TFB1M: variants seen among roughly 807,000 people sequenced by gnomAD.
TFB1M encodes the protein transcription factor B1, mitochondrial.
Under a neutral mutation model 31.1 loss-of-function variants are expected in TFB1M, and 27 were observed. That is an observed-to-expected ratio of 0.87 (90% CI 0.64 to 1.20). TFB1M has a LOEUF of 1.20. Ranked by LOEUF, TFB1M falls within the 50% of genes most tolerant of loss-of-function variation. The probability of loss-of-function intolerance (pLI) is 0.00; values close to 1 mark genes in which losing one functional copy is unlikely to be tolerated. For synonymous variants in TFB1M, 166 were observed against 151.8 expected (o/e 1.09, Z -0.69); for missense variants, 394 against 418.7 (o/e 0.94, Z 0.51).
chr6:155,233,630 T>C, the TFB1M span, among the ~76,000 whole-genome samples: 2 of 152,060 alleles, frequency 1.3e-5, no homozygotes, highest in South Asian at 4.1e-4. Context: ...ATAAATAAGA[T>C]AAAATCATTT....
chr6:155,275,692 C>T, intron 5 of TFB1M: 3 of 1,580,742 alleles, frequency 1.9e-6, no homozygotes, highest in Non-Finnish European at 2.6e-6. Flanking sequence ...TCAGGATTTT[C>T]TAAGAGGACA....
intron 2 of TFB1M, among the ~76,000 whole-genome samples, chr6:155,309,372 A>G (rs749314230): frequency 1.3e-5 from 2 of 152,230 alleles, no homozygotes; most frequent in African/African-American, 2.4e-5. Flanking sequence ...TACATTCCAG[A>G]CAGGTGAGTC....
intron 2 of TFB1M, among the ~76,000 whole-genome samples, chr6:155,305,103 ATATAT>A (rs1488115417): frequency 8.0e-6 from 1 of 125,782 alleles, no homozygotes; most frequent in African/African-American, 3.1e-5. Flanking sequence ...TATATTATTT[ATATAT>A]TATATATTTA....
intron 2 of TFB1M, among the ~76,000 whole-genome samples, chr6:155,309,063 T>A (rs1582886522): frequency 6.6e-6 from 1 of 152,346 alleles, no homozygotes; most frequent in East Asian, 1.9e-4. Context: ...CAAATATACA[T>A]TTCCTCTAGA....
chr6:155,234,559 T>C, the TFB1M span, among the ~76,000 whole-genome samples: 1 of 152,212 alleles, frequency 6.6e-6, no homozygotes, highest in African/African-American at 2.4e-5. Flanking sequence ...TGTGCCACCA[T>C]GGCCGGCTAA....
chr6:155,244,148 T>G, the TFB1M span: 1 of 1,394,478 alleles, frequency 7.2e-7, no homozygotes, highest in Middle Eastern at 1.8e-4. Context: ...TTAGCAGAAC[T>G]CCTATGAGAG....
At chr6:155,287,625 AAAT>A (rs1468346156) in intron 4 of TFB1M, among the ~76,000 whole-genome samples, 73 of 151,884 alleles carry the variant, frequency 4.8e-4, no homozygotes, top group African/African-American at 1.7e-3. Context: ...ATATGTATGG[AAAT>A]AATGATGACG....
the TFB1M span, among the ~76,000 whole-genome samples, chr6:155,233,437 G>A: frequency 6.6e-5 from 10 of 152,258 alleles, no homozygotes; most frequent in South Asian, 2.1e-4. Flanking sequence ...TTCAAAGACC[G>A]TCAAAGAGGG....
At position 155,314,479 on chromosome 6, in the gene TFB1M, C is replaced by G. The variant is rs1457490654; in HGVS notation, c.-51G>C. 5.0e-6 allele frequency: 8 copies of G among 1,613,008 alleles called. No individual in the cohort carries two copies. The Admixed American group carries it at 5.0e-5, about 10-fold the overall frequency. On this transcript the variant is annotated 5_prime_UTR_variant, in exon 1 of 7. Transcript: ENST00000367166. ...CTACCTCACCCAGGACCTTCACCGC[C>G]GCTCCGAAAGAAACGCGCAGGGGAG...
At chr6:155,285,985 C>T (rs527448836) in intron 4 of TFB1M, among the ~76,000 whole-genome samples, 43 of 152,160 alleles carry the variant, frequency 2.8e-4, no homozygotes, top group African/African-American at 9.2e-4. Context: ...ATGGCCAGGA[C>T]GCTCCTGAAG....
In TFB1M at chr6:155,273,974, G is replaced by T. The variant is rs537780446; in HGVS notation, c.666+11184C>A. Among the ~76,000 whole-genome samples, 3 of 152,272 alleles carry T rather than the reference G, an allele frequency of 2.0e-5. No homozygotes were observed. In the South Asian group the frequency reaches 6.2e-4, roughly 32 times the overall value. ...CATAAGAAATAAAAATACTAATAAT[G>T]ATGTCAATTTTAAATTACTGAGGAC... On this transcript the variant is annotated intron_variant, in intron 5 of 6. Coordinates refer to ENST00000367166, the MANE Select transcript of TFB1M (RefSeq NM_016020.4).
At position 155,256,978 on chromosome 6, in the gene TFB1M, C is replaced by T. The variant is rs1305455470; in HGVS notation, c.*858G>A. On this transcript the variant is annotated 3_prime_UTR_variant, in exon 7 of 7. Coordinates refer to ENST00000367166, the MANE Select transcript of TFB1M (RefSeq NM_016020.4). ...AGGAACTTTGCTCAAGGCGCAGATC[C>T]GTCACCAGTCCCTTGACAGTCAGTC... 7 of 1,614,036 alleles carry T rather than the reference C, an allele frequency of 4.3e-6. No homozygotes were observed. The highest frequency in any genetic ancestry group is 2.2e-5 in the East Asian group (1 of 44,894).
chr6:155,248,996 T>C, the TFB1M span, among the ~76,000 whole-genome samples: 4 of 152,352 alleles, frequency 2.6e-5, no homozygotes, highest in Non-Finnish European at 5.9e-5. Context: ...AGCATTTTTG[T>C]ATGACAGTTA....
rs747893250 is a variant in TFB1M, at chr6:155,256,812, G to A, written c.*1024C>T. 11 of 1,614,074 alleles carry A rather than the reference G, an allele frequency of 6.8e-6. No individual in the cohort carries two copies. The highest frequency in any genetic ancestry group is 2.5e-6 in the Non-Finnish European group (3 of 1,180,052). The stretch of plus-strand genomic sequence containing the variant: ...AGTTCCAGAGACTGAGGATTTCCGA[G>A]GACCCAGACGTTCACCCCGAGGCTG... On this transcript the variant is annotated 3_prime_UTR_variant, in exon 7 of 7. Coordinates refer to ENST00000367166, the MANE Select transcript of TFB1M (RefSeq NM_016020.4).
chr6:155,292,612 A>C (rs1033931136), intron 4 of TFB1M, among the ~76,000 whole-genome samples: 1 of 152,168 alleles, frequency 6.6e-6, no homozygotes, highest in Non-Finnish European at 1.5e-5. Context: ...TATGTGTCAC[A>C]ACAAACCCAA....
At chr6:155,300,092 T>C (rs1448169248) in intron 2 of TFB1M, among the ~76,000 whole-genome samples, 1 of 152,206 alleles carries the variant, frequency 6.6e-6, no homozygotes, top group African/African-American at 2.4e-5. Flanking sequence ...AGCTGGAAAC[T>C]TTCTCTTTTA....
intron 2 of TFB1M, among the ~76,000 whole-genome samples, chr6:155,310,203 T>C (rs1235005338): frequency 6.6e-6 from 1 of 152,218 alleles, no homozygotes; most frequent in African/African-American, 2.4e-5. Context: ...AGTAATAACG[T>C]AGATAACTAC....
At chr6:155,259,045 G>A (rs1784263541) in intron 6 of TFB1M, among the ~76,000 whole-genome samples, 1 of 152,148 alleles carries the variant, frequency 6.6e-6, no homozygotes, top group Non-Finnish European at 1.5e-5. Flanking sequence ...TAGCTGGGGG[G>A]TTGCCTTGGA....
At position 155,257,434 on chromosome 6, in the gene TFB1M, G is replaced by GTGAT. The variant is rs1212378576; in HGVS notation, c.*398_*401dup. On this transcript the variant is annotated 3_prime_UTR_variant, in exon 7 of 7. Transcript: ENST00000367166. ...TGGAAAAAGTAAGGCTGGGGAAGTCGTGATTAATAGTTTTCAAAGGGCCAT... is the reference window on the plus strand; with the variant it reads ...TGGAAAAAGTAAGGCTGGGGAAGTCGTGATTGATTAATAGTTTTCAAAGGGCCAT... 5.8e-6 allele frequency: 2 copies of GTGAT among 344,700 alleles called. No homozygotes were observed. The highest frequency in any genetic ancestry group is 1.0e-5 in the Non-Finnish European group (2 of 190,614). 21.4% of individuals were successfully genotyped at this position (344,700 alleles called of 1,614,324 possible). A position where few individuals can be genotyped will look rare whatever the true frequency, so the allele number is the denominator to read the frequency against.
Sources: allele counts gnomAD v4.1 joint callset (sites outside exome capture counted in the v4.1 genomes callset), GRCh38; gene constraint gnomAD v4.1.1; transcripts MANE v1.5; gene names NCBI Gene and HGNC (gene_info 2026-07-23, HGNC 2026-07-21).